Variants in ARIH1 observed in about 807,000 individuals in gnomAD.
ARIH1 encodes the protein ariadne RBR E3 ubiquitin protein ligase 1.
In ARIH1, 8 loss-of-function variants were observed where a neutral mutation model predicts 85.0. The ratio of observed to expected loss-of-function variants is 0.09; its 90% CI spans 0.06 to 0.17. The LOEUF (loss-of-function observed/expected upper bound fraction) is 0.17, where lower values mean the gene tolerates loss of function less well. Among genes scored for constraint, ARIH1 ranks in the 10% least tolerant of loss-of-function variants. The probability of loss-of-function intolerance (pLI) is 1.00; values close to 1 mark genes in which losing one functional copy is unlikely to be tolerated. For synonymous variants in ARIH1, 238 were observed against 253.6 expected (o/e 0.94, Z 0.59); for missense variants, 311 against 718.1 (o/e 0.43, Z 6.48).
In ARIH1 at chr15:72,583,579, C is replaced by CT. The variant is rs931046888; in HGVS notation, c.*295dup. The CT allele has an allele frequency of 1.6e-4, 46 of 296,556 alleles. No individual in the cohort carries two copies. Among genetic ancestry groups the CT allele is most frequent in the Non-Finnish European group, 2.1e-4 (34 of 160,216 alleles). 18.4% of individuals were successfully genotyped at this position (296,556 alleles called of 1,614,324 possible). Reference sequence around the variant, plus strand: ...GTAGCTTCATTCTCAAAGCTGACTCCTTTTTTTTCTTTTTCCTTTTCCTGA... The same window carrying CT: ...GTAGCTTCATTCTCAAAGCTGACTCCTTTTTTTTTCTTTTTCCTTTTCCTGA... On this transcript the variant is annotated 3_prime_UTR_variant, in exon 14 of 14. Coordinates refer to ENST00000379887, the MANE Select transcript of ARIH1 (RefSeq NM_005744.5).
chr15:72,582,007 A>G lies in ARIH1; in HGVS notation c.1477-68A>G. On this transcript the variant is annotated intron_variant, in intron 12 of 13. Coordinates refer to ENST00000379887, the MANE Select transcript of ARIH1 (RefSeq NM_005744.5). This position sits in a 1 kb window ranked among gnomAD's most constrained non-coding sequence, Gnocchi z 4.6. ...TGTTGAGAGCAGTCTGTAGTCAACA[A>G]AACAGTGAAAATGGTTTATCTTTTA... 2.7e-6 allele frequency: 3 copies of G among 1,124,760 alleles called. No individual in the cohort carries two copies. Among genetic ancestry groups the G allele is most frequent in the South Asian group, 2.7e-5 (2 of 73,392 alleles). The allele number at this position is 1,124,760 out of a possible 1,614,324, so 69.7% of individuals were successfully genotyped here.
In ARIH1 at chr15:72,591,714, C is replaced by G. The variant is rs1322174555; in HGVS notation, c.*8422C>G. ...AGCACTTCTTGTGGGCCTTCTTGGG[C>G]AAATAGACATTCTCATGGAATGCTC... On this transcript the variant is annotated 3_prime_UTR_variant, in exon 14 of 14. Transcript: ENST00000379887. The G allele has an allele frequency of 6.6e-6, 1 of 152,186 alleles. No homozygotes were observed. Among genetic ancestry groups the G allele is most frequent in the African/African-American group, 2.4e-5 (1 of 41,456 alleles). 9.4% of individuals were successfully genotyped at this position (152,186 alleles called of 1,614,324 possible).
At chr15:72,579,143 G>T (rs749154609) in intron 11 of ARIH1, among the ~76,000 whole-genome samples, 1 of 152,094 alleles carries the variant, frequency 6.6e-6, no homozygotes, top group Non-Finnish European at 1.5e-5. Flanking sequence ...CCACAAATTG[G>T]ATTTAATTGA....
At chr15:72,555,116 C>T (rs947736226) in intron 3 of ARIH1, among the ~76,000 whole-genome samples, 155 bp from the exon 4 acceptor site, 1 of 152,166 alleles carries the variant, frequency 6.6e-6, no homozygotes, top group Admixed American at 6.5e-5. Context: ...TGTCTAGATT[C>T]ACCATGAAAA....
At chr15:72,498,419 A>C (rs1260134071) in intron 1 of ARIH1, among the ~76,000 whole-genome samples, 1 of 152,194 alleles carries the variant, frequency 6.6e-6, no homozygotes, top group African/African-American at 2.4e-5. Flanking sequence ...TTGGACATCT[A>C]ATTCACTCAT....
chr15:72,576,547 G>A (rs1397090645), intron 11 of ARIH1, among the ~76,000 whole-genome samples: 2 of 148,340 alleles, frequency 1.3e-5, no homozygotes, highest in African/African-American at 5.0e-5. Flanking sequence ...GATAGTGGTT[G>A]CATTTAGTAA....
intron 1 of ARIH1, among the ~76,000 whole-genome samples, chr15:72,510,098 G>A (rs1256916825): frequency 2.6e-5 from 4 of 151,968 alleles, no homozygotes; most frequent in Admixed American, 1.3e-4. Context: ...CTGTAATTTT[G>A]CCTTTTCCAC....
intron 1 of ARIH1, among the ~76,000 whole-genome samples, chr15:72,517,700 A>C (rs1045406798): frequency 6.6e-6 from 1 of 152,134 alleles, no homozygotes; most frequent in African/African-American, 2.4e-5. Context: ...CTGGGATTAC[A>C]GGTGTGAGCA....
rs147936206 is a variant in ARIH1, at chr15:72,586,103, G to A, written c.*2811G>A. 3 of 152,268 alleles carry A rather than the reference G, an allele frequency of 2.0e-5. No individual in the cohort carries two copies. In the East Asian group the frequency reaches 5.8e-4, roughly 29 times the overall value. 9.4% of individuals were successfully genotyped at this position (152,268 alleles called of 1,614,324 possible). ...TAAAATTGAGTAGCATATAATATCA[G>A]ACTAAATTATCTGTAATTTTCCACA... On this transcript the variant is annotated 3_prime_UTR_variant, in exon 14 of 14. Transcript: ENST00000379887.
At chr15:72,480,534 T>C (rs1055533229) in intron 1 of ARIH1, among the ~76,000 whole-genome samples, 2 of 150,628 alleles carry the variant, frequency 1.3e-5, no homozygotes, top group African/African-American at 4.9e-5. Context: ...GTGTTGGGAT[T>C]ATAGGCATGA....
chr15:72,510,851 C>G (rs548611739), intron 1 of ARIH1, among the ~76,000 whole-genome samples: 6 of 150,228 alleles, frequency 4.0e-5, no homozygotes, highest in Non-Finnish European at 8.9e-5. Flanking sequence ...TTTCTGGTCT[C>G]CATTCCATTC....
intron 11 of ARIH1, among the ~76,000 whole-genome samples, chr15:72,580,103 G>A (rs1031222239): frequency 2.6e-5 from 4 of 151,796 alleles, no homozygotes; most frequent in Non-Finnish European, 5.9e-5. Flanking sequence ...CTCTATCCCC[G>A]CAAGCCTCTG....
intron 2 of ARIH1, among the ~76,000 whole-genome samples, chr15:72,525,083 G>A (rs1161183208): frequency 6.6e-6 from 1 of 152,038 alleles, no homozygotes; most frequent in African/African-American, 2.4e-5. Flanking sequence ...TAGAGATGGG[G>A]TTTCATCATG....
At chr15:72,488,391 A>G (rs116107242) in intron 1 of ARIH1, among the ~76,000 whole-genome samples, 368 of 152,080 alleles carry the variant, frequency 2.4e-3, no homozygotes, top group African/African-American at 8.6e-3. Flanking sequence ...TTCTCTTCTT[A>G]ACTGCCTGAT....
intron 2 of ARIH1, among the ~76,000 whole-genome samples, chr15:72,537,513 G>T (rs896235774): frequency 2.6e-5 from 4 of 152,050 alleles, no homozygotes; most frequent in African/African-American, 9.7e-5. Context: ...TTATTATTCC[G>T]TATTGCTGTT....
chr15:72,549,810 T>C (rs1275628533), intron 3 of ARIH1, among the ~76,000 whole-genome samples: 1 of 152,242 alleles, frequency 6.6e-6, no homozygotes, highest in Non-Finnish European at 1.5e-5. Context: ...TAATTTCTTT[T>C]GTAGATAATA....
intron 1 of ARIH1, among the ~76,000 whole-genome samples, chr15:72,480,498 T>C (rs2063811788): frequency 1.3e-5 from 2 of 151,996 alleles, no homozygotes; most frequent in Non-Finnish European, 2.9e-5. Flanking sequence ...TGACCTCAAA[T>C]GATCGACCTA....
intron 1 of ARIH1, among the ~76,000 whole-genome samples, chr15:72,501,572 G>A (rs1224577210): frequency 1.3e-5 from 2 of 152,152 alleles, no homozygotes; most frequent in African/African-American, 2.4e-5. Flanking sequence ...TTAAAGAAGT[G>A]GAGTTACATT....
rs1442265979 is a variant in ARIH1 at position 72,476,885 on chromosome 15, T to A, written c.375+1871T>A. Among the ~76,000 whole-genome samples the A allele has an allele frequency of 3.3e-5, 5 of 152,328 alleles. No homozygotes were observed. The East Asian group carries it at 9.6e-4, about 29-fold the overall frequency. On this transcript the variant is annotated intron_variant, in intron 1 of 13. Coordinates refer to ENST00000379887, the MANE Select transcript of ARIH1 (RefSeq NM_005744.5). ...CATTACAGAAATACTCTGAACAACC[T>A]TCTGTCAAGTAAATTTTTCGAGAAC...
Sources: allele counts gnomAD v4.1 joint callset (sites outside exome capture counted in the v4.1 genomes callset), GRCh38; gene constraint gnomAD v4.1.1; non-coding constraint Gnocchi (gnomAD v3.1); transcripts MANE v1.5; gene names NCBI Gene and HGNC (gene_info 2026-07-23, HGNC 2026-07-21).